TSC1: variants seen among roughly 807,000 people sequenced by gnomAD.
TSC1 encodes the protein hamartin.
Under a neutral mutation model 124.3 loss-of-function variants are expected in TSC1, and 20 were observed. That is an observed-to-expected ratio of 0.16 (90% CI 0.11 to 0.23). TSC1 has a LOEUF of 0.23. TSC1 is among the 10% of genes least tolerant of loss of function. TSC1 has a pLI of 1.00. For missense variants in TSC1, 1,124 were observed against 1,448.5 expected (o/e 0.78, Z 3.64); for synonymous variants, 493 against 539.1 (o/e 0.91, Z 1.19).
chr9:132,896,885 T>C lies in TSC1; in HGVS notation c.2976-131A>G. ...TAGCCCACTCTCTGTTTTATAATAC[T>C]GGACTCAAGAGATCTCATCAAGAGA... On this transcript the variant is annotated intron_variant, in intron 22 of 22. Coordinates refer to ENST00000298552, the MANE Select transcript of TSC1 (RefSeq NM_000368.5). The surrounding 1 kb of genome is among the most constrained non-coding windows in gnomAD (Gnocchi z 4.5). The C allele has an allele frequency of 7.0e-7, 1 of 1,431,640 alleles. No homozygotes were observed. Among genetic ancestry groups the C allele is most frequent in the East Asian group, 2.3e-5 (1 of 43,924 alleles). 88.7% of individuals were successfully genotyped at this position (1,431,640 alleles called of 1,614,324 possible).
rs1051373672 is a variant in TSC1, at chr9:132,893,378, C to A, written c.*2857G>T. Reference sequence around the variant, plus strand: ...TTCATGACCACGTGTTTCTTCCAATCCCATAATAACAATTTTTATAGACTG... The same window carrying A: ...TTCATGACCACGTGTTTCTTCCAATACCATAATAACAATTTTTATAGACTG... On this transcript the variant is annotated 3_prime_UTR_variant, in exon 23 of 23. Coordinates refer to ENST00000298552, the MANE Select transcript of TSC1 (RefSeq NM_000368.5). 4.3e-6 allele frequency: 1 copy of A among 233,122 alleles called. No individual in the cohort carries two copies. The highest frequency in any genetic ancestry group is 2.2e-5 in the African/African-American group (1 of 45,314). 14.4% of individuals were successfully genotyped at this position (233,122 alleles called of 1,614,324 possible).
chr9:132,901,066 G>A lies in TSC1; in HGVS notation c.2503-229C>T, dbSNP rs75508085. Among the ~76,000 whole-genome samples, 1,081 of 152,266 alleles carry A rather than the reference G, an allele frequency of 7.1e-3. 9 individuals are homozygous for A. Among genetic ancestry groups the A allele is most frequent in the East Asian group, 0.012 (63 of 5,180 alleles). ...AGAACTGTGCTTTGCAAAGGGGACA[G>A]CACAAATGCAGTCCATCAAACTGAC... On this transcript the variant is annotated intron_variant, in intron 19 of 22. Coordinates refer to ENST00000298552, the MANE Select transcript of TSC1 (RefSeq NM_000368.5).
chr9:132,936,234 C>T (rs914950890), intron 1 of TSC1, among the ~76,000 whole-genome samples: 1 of 152,200 alleles, frequency 6.6e-6, no homozygotes, highest in Non-Finnish European at 1.5e-5. Context: ...CCCACCTCAG[C>T]CTCCCGAGTA....
In TSC1 at chr9:132,896,031, G is replaced by A. The variant is rs773545079; in HGVS notation, c.*204C>T. ...GAGGTAAATGAGAGGGGGTTAGGGC[G>A]GGTGGAGGGGAAGGTCAAGAGGCAT... On this transcript the variant is annotated 3_prime_UTR_variant, in exon 23 of 23. Transcript: ENST00000298552. The surrounding 1 kb of genome is among the most constrained non-coding windows in gnomAD (Gnocchi z 4.5). The A allele has an allele frequency of 6.1e-5, 42 of 684,892 alleles. No individual in the cohort carries two copies. Among genetic ancestry groups the A allele is most frequent in the Non-Finnish European group, 9.7e-5 (38 of 390,748 alleles). 42.4% of individuals were successfully genotyped at this position (684,892 alleles called of 1,614,324 possible). A position where few individuals can be genotyped will look rare whatever the true frequency, so the allele number is the denominator to read the frequency against.
rs777437357 is a variant in TSC1 at position 132,900,715 on chromosome 9, C to T, written c.2625G>A (p.Lys875=). The T allele has an allele frequency of 6.2e-7, 1 of 1,613,966 alleles. No individual in the cohort carries two copies. The highest frequency in any genetic ancestry group is 8.5e-7 in the Non-Finnish European group (1 of 1,179,978). The stretch of plus-strand genomic sequence containing the variant: ...GTCTGGCTCCCGAGCCCTGGCATAC[C>T]TTTGTGGTATCTGAGTGCTTGTTCT... The part of the protein sequence containing the change: ...QLQNKHSDTT[K]EVEMMKAAYR... Residue 875 remains lysine, a splice_region_variant and synonymous_variant, in exon 20 of 23, where the codon AAG becomes AAA. Coordinates refer to ENST00000298552, the MANE Select transcript of TSC1 (RefSeq NM_000368.5).
In TSC1 at chr9:132,903,440, C is replaced by T. The variant is rs10901219; in HGVS notation, c.2208+211G>A. On this transcript the variant is annotated intron_variant, in intron 17 of 22. Coordinates refer to ENST00000298552, the MANE Select transcript of TSC1 (RefSeq NM_000368.5). The surrounding 1 kb of genome is among the most constrained non-coding windows in gnomAD (Gnocchi z 5.9). ...TCATGGCCAGTTACATGCAAACATA[C>T]ACACACAAAATCACTTGTCCCCACG... 0.093 allele frequency among the ~76,000 whole-genome samples: 14,142 copies of T among 152,218 alleles called. 650 individuals are homozygous for T. Among genetic ancestry groups the T allele is most frequent in the African/African-American group, 0.11 (4,430 of 41,516 alleles).
intron 10 of TSC1, 113 bp downstream of exon 10, chr9:132,911,340 G>A (rs1306354731): frequency 3.4e-6 from 3 of 895,112 alleles, no homozygotes; most frequent in Non-Finnish European, 5.7e-6. Context: ...CCTTAAAAGT[G>A]ACTCCTGAAA....
Position 132,900,835 on chromosome 9 carries a change from G to C in TSC1, c.2505C>G (p.Leu835=). The change falls in exon 20 of 23, where the codon CTC becomes CTG. Residue 835 remains leucine, a splice_region_variant and synonymous_variant. Transcript: ENST00000298552. Reference sequence around the variant, plus strand: ...GCTGCTGGACCGACTCACTGTTTGAGAGCTAACCAAAAAACATGAGCAAAG... The same window carrying C: ...GCTGCTGGACCGACTCACTGTTTGACAGCTAACCAAAAAACATGAGCAAAG... The part of the protein sequence containing the change: ...ELLLSQVSQK[L]SNSESVQQQM... 1 of 1,614,012 alleles carries C rather than the reference G, an allele frequency of 6.2e-7. No individual in the cohort carries two copies. The highest frequency in any genetic ancestry group is 8.5e-7 in the Non-Finnish European group (1 of 1,179,960).
intron 1 of TSC1, among the ~76,000 whole-genome samples, chr9:132,937,638 C>A (rs897309645): frequency 3.3e-5 from 5 of 152,140 alleles, no homozygotes; most frequent in Non-Finnish European, 5.9e-5. Flanking sequence ...GTAGACTGCC[C>A]AGCCACAACC....
chr9:132,921,023 A>G lies in TSC1; in HGVS notation c.737+340T>C, dbSNP rs1162545598. 6.6e-6 allele frequency among the ~76,000 whole-genome samples: 1 copy of G among 151,788 alleles called. No homozygotes were observed. The highest frequency in any genetic ancestry group is 1.5e-5 in the Non-Finnish European group (1 of 67,936). ...TTCTCCATTTTGCAAAGCCAGATTTATATATATGCTAAATTGTTTTTCTGC... is the reference window on the plus strand; with the variant it reads ...TTCTCCATTTTGCAAAGCCAGATTTGTATATATGCTAAATTGTTTTTCTGC... On this transcript the variant is annotated intron_variant, in intron 8 of 22. Coordinates refer to ENST00000298552, the MANE Select transcript of TSC1 (RefSeq NM_000368.5). This position sits in a 1 kb window ranked among gnomAD's most constrained non-coding sequence, Gnocchi z 4.3.
chr9:132,897,276 C>T lies in TSC1; in HGVS notation c.2883G>A (p.Glu961=). Residue 961 remains glutamate (E), a synonymous_variant, in exon 22 of 23, where the codon GAG becomes GAA. Coordinates refer to ENST00000298552, the MANE Select transcript of TSC1 (RefSeq NM_000368.5). ...CCAACCTGCCATATAAATCTAAGAT[C>T]TCCAATTCAAACACCTGGGTTATCC... The part of the protein sequence containing the change: ...QKRITQVFEL[E]ILDLYGRLEK... The T allele has an allele frequency of 6.2e-7, 1 of 1,614,258 alleles. No homozygotes were observed. The highest frequency in any genetic ancestry group is 8.5e-7 in the Non-Finnish European group (1 of 1,180,054).
intron 8 of TSC1, among the ~76,000 whole-genome samples, chr9:132,916,533 T>C (rs1299297564): frequency 6.6e-6 from 1 of 152,242 alleles, no homozygotes; most frequent in Non-Finnish European, 1.5e-5. Flanking sequence ...GTTTTCAAAA[T>C]TGATTTCAAC....
intron 1 of TSC1, 23 bp downstream of exon 1, chr9:132,944,520 G>A (rs972983399): frequency 5.0e-6 from 2 of 398,480 alleles, no homozygotes; most frequent in Non-Finnish European, 8.8e-6. Flanking sequence ...ATAAAAAGGA[G>A]GGGGAGACAC....
At position 132,903,748 on chromosome 9, in the gene TSC1, T is replaced by C. The variant is rs752054698; in HGVS notation, c.2111A>G (p.Tyr704Cys). Residue 704 changes from tyrosine to cysteine, a missense_variant, in exon 17 of 23, where the codon TAT becomes TGT. This residue lies in a region of TSC1 where 321 missense variants were observed against 397.4 expected (regional missense o/e 0.81). Transcript: ENST00000298552. The surrounding 1 kb of genome is among the most constrained non-coding windows in gnomAD (Gnocchi z 5.9). Reference sequence around the variant, plus strand: ...ATGCTGCTGCCTCTTAAAACGCTCATAGAGTAACTGGTTGTGCAGTAAAAG... The same window carrying C: ...ATGCTGCTGCCTCTTAAAACGCTCACAGAGTAACTGGTTGTGCAGTAAAAG... ...QLLLLHNQLL[Y>C]ERFKRQQHAL... 1.9e-6 allele frequency: 3 copies of C among 1,613,618 alleles called. No homozygotes were observed. Among genetic ancestry groups the C allele is most frequent in the Non-Finnish European group, 8.5e-7 (1 of 1,180,008 alleles).
In TSC1 at chr9:132,891,788, G is replaced by A. The variant is rs112968492; in HGVS notation, c.*4447C>T. The stretch of plus-strand genomic sequence containing the variant: ...ACTGATTCTTCCTAGTGCAAAATGC[G>A]TGGCTGCCTCTTTCATAAGCCAAAG... On this transcript the variant is annotated 3_prime_UTR_variant, in exon 23 of 23. Transcript: ENST00000298552. 2.9e-4 allele frequency: 68 copies of A among 233,630 alleles called. No individual in the cohort carries two copies. In the Middle Eastern group the frequency reaches 5.1e-3, roughly 18 times the overall value. 14.5% of individuals were successfully genotyped at this position (233,630 alleles called of 1,614,324 possible).
rs557543649 is a variant in TSC1, at chr9:132,920,972, C to T, written c.737+391G>A. Reference sequence around the variant, plus strand: ...GAAAGGACCTCAGGGACTCCAAATACTTAATATAGGACTCCCTGAAGTCCT... The same window carrying T: ...GAAAGGACCTCAGGGACTCCAAATATTTAATATAGGACTCCCTGAAGTCCT... On this transcript the variant is annotated intron_variant, in intron 8 of 22. Transcript: ENST00000298552. 1.2e-3 allele frequency among the ~76,000 whole-genome samples: 175 copies of T among 151,814 alleles called. 1 individual carries two copies. The highest frequency in any genetic ancestry group is 4.1e-3 in the African/African-American group (169 of 41,486).
At chr9:132,899,281 A>C (rs902259810) in intron 20 of TSC1, 1 of 152,164 alleles carries the variant, frequency 6.6e-6, no homozygotes, top group African/African-American at 2.4e-5. Context: ...TTCTGTGGGG[A>C]CATCATTGTG....
At chr9:132,905,347 A>C (rs570161948) in intron 15 of TSC1, among the ~76,000 whole-genome samples, 1 of 152,158 alleles carries the variant, frequency 6.6e-6, no homozygotes, top group African/African-American at 2.4e-5. Context: ...CCTATATAAA[A>C]AGACTCATTT....
In TSC1 at chr9:132,936,897, T is replaced by C. The variant is rs953803836; in HGVS notation, c.-143-1802A>G. Among the ~76,000 whole-genome samples, 6 of 152,334 alleles carry C rather than the reference T, an allele frequency of 3.9e-5. No homozygotes were observed. In the South Asian group the frequency reaches 6.2e-4, roughly 16 times the overall value. On this transcript the variant is annotated intron_variant, in intron 1 of 22. Transcript: ENST00000298552. ...AACCAAGTTCTTAAATGTACGACCA[T>C]GGCCAAAGTCAAACTAGTGGACTGA... is the stretch of plus-strand genomic sequence containing the variant.
Sources: allele counts gnomAD v4.1 joint callset (sites outside exome capture counted in the v4.1 genomes callset), GRCh38; gene constraint gnomAD v4.1.1; regional missense constraint gnomAD v4.1.1; non-coding constraint Gnocchi (gnomAD v3.1); transcripts MANE v1.5; gene names NCBI Gene and HGNC (gene_info 2026-07-23, HGNC 2026-07-21).